The following ARB2A variants were observed in gnomAD, a reference collection of about 807,000 sequenced individuals.
ARB2A encodes ARB2 cotranscriptional regulator A.
chr5:93,843,630 C>G, the ARB2A span, among the ~76,000 whole-genome samples: 1 of 151,898 alleles, frequency 6.6e-6, no homozygotes, highest in African/African-American at 2.4e-5. Flanking sequence ...GAGAAGGTCT[C>G]ACTATGTTAC....
At chr5:93,632,555 C>A in the ARB2A span, among the ~76,000 whole-genome samples, 1 of 152,272 alleles carries the variant, frequency 6.6e-6, no homozygotes, top group African/African-American at 2.4e-5. Flanking sequence ...GATCTGTTTA[C>A]AGGGTTTTAA....
chr5:93,803,992 T>C, the ARB2A span, among the ~76,000 whole-genome samples: 1 of 151,856 alleles, frequency 6.6e-6, no homozygotes, highest in African/African-American at 2.4e-5. Context: ...TCAAAAGAAA[T>C]GGAAAAGGTT....
the ARB2A span, among the ~76,000 whole-genome samples, chr5:94,110,706 T>C: frequency 2.0e-5 from 3 of 152,238 alleles, no homozygotes; most frequent in African/African-American, 7.2e-5. Flanking sequence ...TGGCATGCGT[T>C]AATGCAAACG....
At chr5:93,625,130 GTAT>G in the ARB2A span, among the ~76,000 whole-genome samples, 1 of 152,158 alleles carries the variant, frequency 6.6e-6, no homozygotes, top group Non-Finnish European at 1.5e-5. Flanking sequence ...ATAGGACCAA[GTAT>G]CTGACTACTT....
the ARB2A span, chr5:93,910,754 A>C: frequency 6.6e-6 from 1 of 151,450 alleles, no homozygotes; most frequent in African/African-American, 2.4e-5. Context: ...GAGACCTAAA[A>C]TACAGTTAAC....
the ARB2A span, among the ~76,000 whole-genome samples, chr5:93,677,021 C>G: frequency 6.6e-6 from 1 of 152,144 alleles, no homozygotes; most frequent in Non-Finnish European, 1.5e-5. Flanking sequence ...ATATCATCAT[C>G]CTACGAATAT....
At chr5:93,973,240 G>C in the ARB2A span, among the ~76,000 whole-genome samples, 1 of 151,774 alleles carries the variant, frequency 6.6e-6, no homozygotes, top group African/African-American at 2.4e-5. Context: ...AGTTCTAGGC[G>C]TGAGCCACTG....
chr5:93,804,430 A>G, the ARB2A span, among the ~76,000 whole-genome samples: 1 of 151,962 alleles, frequency 6.6e-6, no homozygotes, highest in Non-Finnish European at 1.5e-5. Context: ...AGCATAATGC[A>G]TTTTTAATAG....
At chr5:94,030,573 C>G in the ARB2A span, among the ~76,000 whole-genome samples, 1 of 152,238 alleles carries the variant, frequency 6.6e-6, no homozygotes, top group East Asian at 1.9e-4. Flanking sequence ...ATAACAGACT[C>G]TTCTGCCTTC....
the ARB2A span, chr5:93,743,343 GA>G: frequency 6.2e-6 from 1 of 160,436 alleles, no homozygotes; most frequent in East Asian, 1.9e-4. Flanking sequence ...ACTATACCTG[GA>G]ACATGGAAGG....
At chr5:93,934,046 A>C in the ARB2A span, among the ~76,000 whole-genome samples, 1 of 152,016 alleles carries the variant, frequency 6.6e-6, no homozygotes, top group African/African-American at 2.4e-5. Flanking sequence ...AACTGGAGAG[A>C]AAATATGATC....
the ARB2A span, among the ~76,000 whole-genome samples, chr5:93,672,333 G>C: frequency 1.0e-4 from 15 of 148,070 alleles, no homozygotes; most frequent in South Asian, 3.0e-3. Flanking sequence ...TTTTTTTTTA[G>C]ATGGAGTCTC....
chr5:93,943,619 T>TA, the ARB2A span, among the ~76,000 whole-genome samples: 1 of 152,184 alleles, frequency 6.6e-6, no homozygotes, highest in African/African-American at 2.4e-5. Context: ...ATAACCCTGT[T>TA]AAAATCTTCC....
the ARB2A span, chr5:93,784,636 T>G: frequency 1.6e-6 from 1 of 617,920 alleles, no homozygotes; most frequent in Non-Finnish European, 2.8e-6. Flanking sequence ...AGTTACTCTT[T>G]TTTTGCATTG....
chr5:93,993,988 T>A, the ARB2A span, among the ~76,000 whole-genome samples: 1 of 152,064 alleles, frequency 6.6e-6, no homozygotes, highest in African/African-American at 2.4e-5. Context: ...ATATTGCATA[T>A]CTCTATATCA....
chr5:93,760,088 TC>T, the ARB2A span, among the ~76,000 whole-genome samples: 1 of 152,094 alleles, frequency 6.6e-6, no homozygotes, highest in Admixed American at 6.5e-5. Context: ...CGGTAGCTCT[TC>T]TATACACCAA....
At chr5:94,068,732 T>C in the ARB2A span, among the ~76,000 whole-genome samples, 1 of 151,846 alleles carries the variant, frequency 6.6e-6, no homozygotes, top group African/African-American at 2.4e-5. Context: ...GCAGTCACCT[T>C]CCCCAGCTAG....
At chr5:93,996,963 C>T in the ARB2A span, among the ~76,000 whole-genome samples, 2 of 151,982 alleles carry the variant, frequency 1.3e-5, no homozygotes. Flanking sequence ...TACGTATGTG[C>T]TAGCCATTGA....
chr5:93,958,663 A>G, the ARB2A span: 1 of 747,986 alleles, frequency 1.3e-6, no homozygotes, highest in African/African-American at 1.8e-5. Flanking sequence ...AATAAATAAT[A>G]ACAACCCAAA....
Sources: gnomAD v4.1 joint callset for allele counts (sites outside exome capture counted in the v4.1 genomes callset) on GRCh38, gnomAD v4.1.1 for gene constraint, MANE v1.5 for transcripts, NCBI Gene and HGNC (gene_info 2026-07-23, HGNC 2026-07-21) for gene names.